The following PGGT1B variants were observed in gnomAD, a reference collection of about 807,000 sequenced individuals.
PGGT1B encodes the protein protein geranylgeranyltransferase type I subunit beta.
In PGGT1B, 30 loss-of-function variants were observed where a neutral mutation model predicts 46.1. That is an observed-to-expected ratio of 0.65 (90% CI 0.49 to 0.88). The LOEUF (loss-of-function observed/expected upper bound fraction) is 0.88, where lower values mean the gene tolerates loss of function less well. Among genes scored for constraint, PGGT1B ranks in the 40% least tolerant of loss-of-function variants. The pLI is 0.00. For missense variants in PGGT1B, 376 were observed against 455.9 expected (o/e 0.82, Z 1.60); for synonymous variants, 170 against 160.0 (o/e 1.06, Z -0.47).
In PGGT1B at chr5:115,253,247, A is replaced by G. The variant is rs765584860; in HGVS notation, c.149T>C (p.Ile50Thr). The change falls in exon 2 of 9, where the codon ATT (isoleucine) becomes ACT (threonine). Residue 50 changes from isoleucine to threonine, a missense_variant. Coordinates refer to ENST00000419445, the MANE Select transcript of PGGT1B (RefSeq NM_005023.4). Reference sequence around the variant, plus strand: ...CAGCCCGGAGAGTGCAAAAAATGCAATTGTCAACCTAAAAGAAAAAAATGT... The same window carrying G: ...CAGCCCGGAGAGTGCAAAAAATGCAGTTGTCAACCTAAAAGAAAAAAATGT... ...YSSLETSRLT[I>T]AFFALSGLDM... The G allele has an allele frequency of 7.0e-6, 11 of 1,574,324 alleles. No homozygotes were observed. In the South Asian group the frequency reaches 1.3e-4, roughly 19 times the overall value.
Position 115,207,358 on chromosome 5 carries a change from C to G in PGGT1B, c.*5044G>C, listed in dbSNP as rs1756096639. 6.6e-6 allele frequency: 1 copy of G among 151,654 alleles called. No homozygotes were observed. Among genetic ancestry groups the G allele is most frequent in the South Asian group, 2.1e-4 (1 of 4,796 alleles). The allele number at this position is 151,654 out of a possible 1,614,324, so 9.4% of individuals were successfully genotyped here. On this transcript the variant is annotated 3_prime_UTR_variant, in exon 9 of 9. Transcript: ENST00000419445. ...ATCATGAAACAGAACATTACCAGCA[C>G]CGCAGAGTCTCCCTTGTACCCTCTT...
rs193178219 is a variant in PGGT1B, at chr5:115,236,891, G to A, written c.480-369C>T. Among the ~76,000 whole-genome samples, 394 of 152,192 alleles carry A rather than the reference G, an allele frequency of 2.6e-3. 1 individual carries two copies. Among genetic ancestry groups the A allele is most frequent in the African/African-American group, 8.6e-3 (357 of 41,566 alleles). On this transcript the variant is annotated intron_variant, in intron 4 of 8. Coordinates refer to ENST00000419445, the MANE Select transcript of PGGT1B (RefSeq NM_005023.4). ...TAAAAGGTAAAACCTGAGACCTACT[G>A]GGTATACGAAATTTCCAAGCCCAAG...
chr5:115,222,956 C>T lies in PGGT1B; in HGVS notation c.659-948G>A, dbSNP rs1050214692. Among the ~76,000 whole-genome samples the T allele has an allele frequency of 6.6e-5, 10 of 151,928 alleles. No individual in the cohort carries two copies. In the South Asian group the frequency reaches 1.0e-3, roughly 16 times the overall value. On this transcript the variant is annotated intron_variant, in intron 6 of 8. Transcript: ENST00000419445. ...ACACAGGGTGGGGAACATCACACAC[C>T]GGGGCCTGTTGTGGGGTGGGAGGAG...
chr5:115,253,058 C>A (rs1748171371), intron 2 of PGGT1B, 79 bp downstream of exon 2: 1 of 1,219,040 alleles, frequency 8.2e-7, no homozygotes, highest in East Asian at 2.4e-5. Context: ...TATACAAGTA[C>A]TAAGATTTTC....
At chr5:115,246,451 G>A (rs1459822299) in intron 2 of PGGT1B, among the ~76,000 whole-genome samples, 2 of 151,900 alleles carry the variant, frequency 1.3e-5, no homozygotes, top group African/African-American at 4.8e-5. Context: ...CTTTCCTTTG[G>A]AATTCTAGTA....
intron 2 of PGGT1B, among the ~76,000 whole-genome samples, chr5:115,246,013 T>C (rs1747817608): frequency 6.6e-6 from 1 of 152,164 alleles, no homozygotes; most frequent in Non-Finnish European, 1.5e-5. Context: ...CCTAATGTTT[T>C]AAAAAATGAT....
chr5:115,234,341 A>G (rs1223382877), intron 5 of PGGT1B, among the ~76,000 whole-genome samples: 2 of 152,028 alleles, frequency 1.3e-5, no homozygotes, highest in African/African-American at 2.4e-5. Context: ...AGTTACCTAC[A>G]GGGTGACAGG....
Position 115,210,957 on chromosome 5 carries a change from G to A in PGGT1B, c.*1445C>T, listed in dbSNP as rs1295597782. 6.6e-6 allele frequency: 1 copy of A among 151,964 alleles called. No homozygotes were observed. Among genetic ancestry groups the A allele is most frequent in the East Asian group, 1.9e-4 (1 of 5,188 alleles). 9.4% of individuals were successfully genotyped at this position (151,964 alleles called of 1,614,324 possible). ...AATAATAAATCAATCATTTCTCCAA[G>A]TACACAGTGTTTCCCTTGGGAAGGA... is the stretch of plus-strand genomic sequence containing the variant. On this transcript the variant is annotated 3_prime_UTR_variant, in exon 9 of 9. Coordinates refer to ENST00000419445, the MANE Select transcript of PGGT1B (RefSeq NM_005023.4).
At chr5:115,222,796 G>C (rs1472549638) in intron 6 of PGGT1B, among the ~76,000 whole-genome samples, 1 of 152,120 alleles carries the variant, frequency 6.6e-6, no homozygotes, top group Non-Finnish European at 1.5e-5. Context: ...CCATAAAAAC[G>C]GATGAGTTCA....
chr5:115,213,613 A>T (rs748646841), intron 8 of PGGT1B, among the ~76,000 whole-genome samples: 34 of 152,132 alleles, frequency 2.2e-4, no homozygotes, highest in Middle Eastern at 3.2e-3. Context: ...CTCTACAAAA[A>T]ATACAAAAAT....
chr5:115,218,010 T>C (rs1397317083), intron 7 of PGGT1B, among the ~76,000 whole-genome samples: 3 of 151,936 alleles, frequency 2.0e-5, no homozygotes, highest in Admixed American at 6.6e-5. Flanking sequence ...AAAGATGTGA[T>C]TATTAATATT....
At chr5:115,224,411 T>G (rs1268250814) in intron 6 of PGGT1B, among the ~76,000 whole-genome samples, 1 of 152,196 alleles carries the variant, frequency 6.6e-6, no homozygotes, top group Non-Finnish European at 1.5e-5. Context: ...ACTACTGGAT[T>G]TTGAACATAG....
chr5:115,239,060 G>T (rs917963171), intron 3 of PGGT1B, among the ~76,000 whole-genome samples: 1 of 150,578 alleles, frequency 6.6e-6, no homozygotes, highest in Non-Finnish European at 1.5e-5. Context: ...TTTTTTTTGA[G>T]ATAGGCTTTG....
At chr5:115,249,550 T>G (rs1234036649) in intron 2 of PGGT1B, among the ~76,000 whole-genome samples, 1 of 151,926 alleles carries the variant, frequency 6.6e-6, no homozygotes, top group Non-Finnish European at 1.5e-5. Flanking sequence ...GGAGTCAGGG[T>G]AGATCAGAAT....
chr5:115,244,754 C>G (rs1224801404), intron 2 of PGGT1B, among the ~76,000 whole-genome samples: 1 of 151,732 alleles, frequency 6.6e-6, no homozygotes, highest in Admixed American at 6.6e-5. Context: ...CCACGCCCAG[C>G]TAATTTTTGT....
intron 5 of PGGT1B, among the ~76,000 whole-genome samples, chr5:115,232,443 C>A (rs1041534469): frequency 1.3e-5 from 2 of 152,002 alleles, no homozygotes; most frequent in Admixed American, 1.3e-4. Flanking sequence ...AGAAAAAATA[C>A]TCCATCTTAT....
At chr5:115,245,579 T>G (rs1367322824) in intron 2 of PGGT1B, among the ~76,000 whole-genome samples, 1 of 152,250 alleles carries the variant, frequency 6.6e-6, no homozygotes, top group African/African-American at 2.4e-5. Flanking sequence ...ATGTTTAGAT[T>G]GTACTTAGCA....
chr5:115,230,119 C>A (rs1580756450), intron 6 of PGGT1B, among the ~76,000 whole-genome samples: 1 of 151,912 alleles, frequency 6.6e-6, no homozygotes, highest in Non-Finnish European at 1.5e-5. Context: ...TAACAACAAT[C>A]CTAAAGAAAG....
At chr5:115,225,709 G>A (rs1756757646) in intron 6 of PGGT1B, among the ~76,000 whole-genome samples, 1 of 148,892 alleles carries the variant, frequency 6.7e-6, no homozygotes, top group Non-Finnish European at 1.5e-5. Flanking sequence ...GCAGTGGTGT[G>A]ATCTCGGCTC....
Sources: gnomAD v4.1 joint callset for allele counts (sites outside exome capture counted in the v4.1 genomes callset) on GRCh38, gnomAD v4.1.1 for gene constraint, MANE v1.5 for transcripts, NCBI Gene and HGNC (gene_info 2026-07-23, HGNC 2026-07-21) for gene names.